The following PLEKHB2 variants were observed in gnomAD, a reference collection of about 807,000 sequenced individuals.
The protein encoded by PLEKHB2 is pleckstrin homology domain containing B2.
PLEKHB2 carries 31 observed loss-of-function variants against 36.5 expected under a neutral mutation model. That is an observed-to-expected ratio of 0.85 (90% confidence interval 0.64 to 1.15). The LOEUF (loss-of-function observed/expected upper bound fraction) is 1.15, where lower values mean the gene tolerates loss of function less well. Ranked by LOEUF, PLEKHB2 falls within the 50% of genes most tolerant of loss-of-function variation. PLEKHB2 has a pLI of 0.00. For missense variants in PLEKHB2, 262 were observed against 295.3 expected (o/e 0.89, Z 0.83); for synonymous variants, 119 against 112.0 (o/e 1.06, Z -0.39).
chr2:131,114,991 CA>C (rs1695708113), intron 1 of PLEKHB2, among the ~76,000 whole-genome samples: 1 of 152,192 alleles, frequency 6.6e-6, no homozygotes, highest in African/African-American at 2.4e-5. Flanking sequence ...AGTCTGTTCT[CA>C]CGCTGCTAAT....
chr2:131,135,369 C>T (rs1559094944), intron 6 of PLEKHB2, among the ~76,000 whole-genome samples: 2 of 152,080 alleles, frequency 1.3e-5, no homozygotes, highest in South Asian at 4.1e-4. Flanking sequence ...GCCTGGTCGG[C>T]GCCTGTAAAC....
At chr2:131,117,485 C>T (rs901427482) in intron 1 of PLEKHB2, among the ~76,000 whole-genome samples, 4 of 152,138 alleles carry the variant, frequency 2.6e-5, no homozygotes, top group Non-Finnish European at 5.9e-5. Context: ...TGTTACTCCA[C>T]GTTTTTATAT....
intron 2 of PLEKHB2, among the ~76,000 whole-genome samples, chr2:131,124,448 C>CT (rs901605142): frequency 1.3e-5 from 2 of 152,188 alleles, no homozygotes; most frequent in African/African-American, 2.4e-5. Context: ...TACAACTGGC[C>CT]TTTAAGTCCA....
intron 1 of PLEKHB2, among the ~76,000 whole-genome samples, chr2:131,108,358 T>G (rs933861654): frequency 1.3e-5 from 2 of 152,222 alleles, no homozygotes; most frequent in African/African-American, 4.8e-5. Context: ...GACCAACAGC[T>G]AGGGCTTAGT....
chr2:131,143,303 G>T (rs761614548), intron 7 of PLEKHB2, among the ~76,000 whole-genome samples: 5 of 152,122 alleles, frequency 3.3e-5, no homozygotes. Context: ...ATTTTTGACG[G>T]TTTTTTGGGA....
chr2:131,132,835 A>G (rs1031657169), intron 5 of PLEKHB2, 67 bp from the exon 6 acceptor site: 84 of 858,572 alleles, frequency 9.8e-5, no homozygotes, highest in South Asian at 3.6e-4. Context: ...AAAAGGGACA[A>G]TGCACAGCAT....
chr2:131,105,570 G>C (rs1694615129), intron 1 of PLEKHB2, among the ~76,000 whole-genome samples, 172 bp downstream of exon 1: 1 of 151,990 alleles, frequency 6.6e-6, no homozygotes, highest in Admixed American at 6.5e-5. Flanking sequence ...CCTGGCCACG[G>C]GTCCGCCCAC....
At chr2:131,123,276 A>G (rs1696712872) in intron 2 of PLEKHB2, among the ~76,000 whole-genome samples, 1 of 152,200 alleles carries the variant, frequency 6.6e-6, no homozygotes, top group South Asian at 2.1e-4. Flanking sequence ...GAGGTGAGAT[A>G]CATTATATTC....
At chr2:131,114,240 C>A (rs145777574) in intron 1 of PLEKHB2, among the ~76,000 whole-genome samples, 1 of 152,156 alleles carries the variant, frequency 6.6e-6, no homozygotes, top group African/African-American at 2.4e-5. Flanking sequence ...ATTCTCCTGC[C>A]TCAGCCTCCC....
intron 5 of PLEKHB2, among the ~76,000 whole-genome samples, 183 bp downstream of exon 5, chr2:131,130,943 GC>G (rs1697612241): frequency 6.6e-6 from 1 of 151,976 alleles, no homozygotes; most frequent in Admixed American, 6.6e-5. Flanking sequence ...ATGCTACCAC[GC>G]CCAGCTTATT....
chr2:131,140,379 T>C (rs1488859831), intron 7 of PLEKHB2, 104 bp downstream of exon 7: 4 of 627,060 alleles, frequency 6.4e-6, no homozygotes, highest in African/African-American at 1.8e-5. Flanking sequence ...ACATGAGCTA[T>C]ATTTTCTGGT....
intron 6 of PLEKHB2, among the ~76,000 whole-genome samples, chr2:131,134,624 A>G (rs563690585): frequency 3.2e-4 from 49 of 152,252 alleles, no homozygotes; most frequent in African/African-American, 1.2e-3. Context: ...TATTGCAGCT[A>G]TTATAAAAAG....
At chr2:131,118,722 G>C (rs369342487) in intron 1 of PLEKHB2, among the ~76,000 whole-genome samples, 58 of 151,702 alleles carry the variant, frequency 3.8e-4, no homozygotes, top group African/African-American at 1.4e-3. Flanking sequence ...GAAAAAATTA[G>C]CCGGGCGTGG....
intron 5 of PLEKHB2, among the ~76,000 whole-genome samples, chr2:131,132,405 C>G (rs185651895): frequency 1.8e-4 from 28 of 152,172 alleles, no homozygotes; most frequent in Admixed American, 1.6e-3. Context: ...CTCCTGGGCT[C>G]GAGTGATCCT....
chr2:131,108,644 AT>A (rs1694970551), intron 1 of PLEKHB2, among the ~76,000 whole-genome samples: 1 of 151,920 alleles, frequency 6.6e-6, no homozygotes, highest in African/African-American at 2.4e-5. Context: ...TTGCAAAAAA[AT>A]CTCATAACGT....
At chr2:131,135,795 A>C (rs1252431007) in intron 6 of PLEKHB2, among the ~76,000 whole-genome samples, 1 of 151,498 alleles carries the variant, frequency 6.6e-6, no homozygotes, top group East Asian at 1.9e-4. Flanking sequence ...TTTTTAGTAG[A>C]GACGGGGTTT....
intron 5 of PLEKHB2, among the ~76,000 whole-genome samples, chr2:131,131,756 C>T (rs1452495236): frequency 2.1e-5 from 3 of 146,192 alleles, no homozygotes; most frequent in African/African-American, 8.2e-5. Flanking sequence ...ATGAAAATCC[C>T]CCTTTTTTTT....
intron 2 of PLEKHB2, among the ~76,000 whole-genome samples, chr2:131,125,033 C>G (rs1696960983): frequency 6.6e-6 from 1 of 152,258 alleles, no homozygotes; most frequent in Non-Finnish European, 1.5e-5. Context: ...ATCCATCTGC[C>G]TCGGCCTCCC....
chr2:131,116,332 A>T (rs1046184925), intron 1 of PLEKHB2, among the ~76,000 whole-genome samples: 2 of 152,184 alleles, frequency 1.3e-5, no homozygotes, highest in Non-Finnish European at 2.9e-5. Flanking sequence ...ACCCAGGCTA[A>T]CCTCAAGGAA....
Sources: allele counts gnomAD v4.1 joint callset (sites outside exome capture counted in the v4.1 genomes callset), GRCh38; gene constraint gnomAD v4.1.1; transcripts MANE v1.5; gene names NCBI Gene and HGNC (gene_info 2026-07-23, HGNC 2026-07-21).